The following OTUD7B variants were observed in gnomAD, a reference collection of about 807,000 sequenced individuals.
OTUD7B encodes OTU domain-containing protein 7B.
A neutral mutation model predicts 82.2 loss-of-function variants in OTUD7B; 34 were observed. The observed-to-expected ratio is 0.41, with a 90% CI of 0.31 to 0.55. OTUD7B has a LOEUF of 0.55. Ranked by LOEUF, OTUD7B falls within the 20% of genes least tolerant of loss-of-function variation. The pLI is 0.20. For missense variants in OTUD7B, 944 were observed against 1,062.1 expected, an observed-to-expected ratio of 0.89 and a Z score of 1.55; for synonymous variants, 398 against 402.7, an observed-to-expected ratio of 0.99 and a Z score of 0.14.
Position 149,944,760 on chromosome 1 carries a change from G to A in OTUD7B, c.1629C>T (p.Ser543=), listed in dbSNP as rs782437350. Residue 543 remains serine (S), a synonymous_variant, in exon 12 of 12, where the codon AGC becomes AGT. Coordinates refer to ENST00000581312, the MANE Select transcript of OTUD7B (RefSeq NM_020205.4). ...TCTTCTTCTCCAGTGTCTCAGTGCC[G>A]CTGCTTCCTCCCAACCCTGTCCCCA... ...GGVGTGLGGS[S]GTETLEKKKK... is the part of the protein sequence containing the mutation. 30 of 1,613,648 alleles carry A rather than the reference G, an allele frequency of 1.9e-5. No individual in the cohort carries two copies. The highest frequency in any genetic ancestry group is 4.4e-5 in the South Asian group (4 of 91,056).
At chr1:150,020,789 A>G in the OTUD7B span, among the ~76,000 whole-genome samples, 1 of 152,216 alleles carries the variant, frequency 6.6e-6, no homozygotes, top group Non-Finnish European at 1.5e-5. Flanking sequence ...CTGAAAGCCA[A>G]ATAGGCCCCT....
intron 7 of OTUD7B, among the ~76,000 whole-genome samples, chr1:149,956,093 T>G (rs1355458408): frequency 2.6e-5 from 4 of 152,198 alleles, no homozygotes; most frequent in East Asian, 3.8e-4. Flanking sequence ...GTTAGCTGGT[T>G]ATTTTGCTCG....
At chr1:150,031,952 C>T in the OTUD7B span, among the ~76,000 whole-genome samples, 1 of 152,178 alleles carries the variant, frequency 6.6e-6, no homozygotes, top group Non-Finnish European at 1.5e-5. Context: ...TATAAACACA[C>T]ATACTTTAAA....
intron 1 of OTUD7B, among the ~76,000 whole-genome samples, chr1:149,982,639 G>C (rs1553779979): frequency 2.0e-5 from 3 of 151,756 alleles, no homozygotes; most frequent in African/African-American, 7.3e-5. Flanking sequence ...ATCTTCCTGA[G>C]CAATTTCAGT....
At chr1:150,028,600 A>G in the OTUD7B span, among the ~76,000 whole-genome samples, 2 of 152,150 alleles carry the variant, frequency 1.3e-5, no homozygotes, top group Non-Finnish European at 2.9e-5. Context: ...ATAAGTCTCC[A>G]TTCTCCCTGT....
chr1:150,014,058 A>G (rs12143805), upstream of OTUD7B, among the ~76,000 whole-genome samples: 1,207 of 87,512 alleles, frequency 0.014, 30 homozygotes, highest in African/African-American at 0.043. Context: ...GTGTATATAT[A>G]TGTGTGTGTG....
At chr1:150,013,947 TACAC>T (rs1219362552), upstream of OTUD7B, among the ~76,000 whole-genome samples, 1,263 of 103,544 alleles carry the variant, frequency 0.012, 20 homozygotes, top group African/African-American at 0.015. Flanking sequence ...AATATATATA[TACAC>T]ACACACACAC....
chr1:149,965,809 T>C lies in OTUD7B; in HGVS notation c.572A>G (p.Asp191Gly). ...GGCTGCATGCAGGAGGCAGTTCCCA[T>C]CTCCAGTAGTTGCCAAAGGAAGCAG... is the stretch of plus-strand genomic sequence containing the variant. The part of the protein sequence containing the change: ...QRLLPLATTG[D>G]GNCLLHAASL... The change falls in exon 5 of 12, where the codon GAT (aspartate) becomes GGT (glycine). Residue 191 changes from aspartate (D) to glycine (G), a missense_variant. Asp to Gly is a moderately conservative substitution (Grantham distance 94, BLOSUM62 -1). Transcript: ENST00000581312. 1 of 1,613,934 alleles carries C rather than the reference T, an allele frequency of 6.2e-7. No homozygotes were observed. Among genetic ancestry groups the C allele is most frequent in the Non-Finnish European group, 8.5e-7 (1 of 1,179,868 alleles).
the OTUD7B span, among the ~76,000 whole-genome samples, chr1:150,064,136 A>C: frequency 1.1e-4 from 16 of 152,244 alleles, no homozygotes; most frequent in African/African-American, 2.9e-4. Context: ...GATTTCTAAT[A>C]ATCGAAGCTG....
At chr1:149,982,175 T>TAAATATA in intron 1 of OTUD7B, among the ~76,000 whole-genome samples, 1 of 144,452 alleles carries the variant, frequency 6.9e-6, no homozygotes, top group African/African-American at 2.8e-5. Context: ...TAAATAAATA[T>TAAATATA]AAAAAATAAA....
the OTUD7B span, among the ~76,000 whole-genome samples, chr1:150,056,575 A>G: frequency 6.6e-6 from 1 of 152,166 alleles, no homozygotes; most frequent in South Asian, 2.1e-4. Flanking sequence ...CAAATGAGGA[A>G]ACTGTGACAC....
rs1407497389 is a variant in OTUD7B, at chr1:149,939,812, C to T, written c.*4045G>A. ...GGCATGATTGCGGGTGCCTGTAATCCCAGCCACCTGGGAGGCTGAGACAGG... is the reference window on the plus strand; with the variant it reads ...GGCATGATTGCGGGTGCCTGTAATCTCAGCCACCTGGGAGGCTGAGACAGG... On this transcript the variant is annotated 3_prime_UTR_variant, in exon 12 of 12. Transcript: ENST00000581312. The T allele has an allele frequency of 6.6e-6, 1 of 152,012 alleles. No individual in the cohort carries two copies. The highest frequency in any genetic ancestry group is 1.5e-5 in the Non-Finnish European group (1 of 68,024). The allele number at this position is 152,012 out of a possible 1,614,324, so 9.4% of individuals were successfully genotyped here. A position where few individuals can be genotyped will look rare whatever the true frequency, so the allele number is the denominator to read the frequency against.
chr1:149,949,644 TCTC>T lies in OTUD7B; in HGVS notation c.1105_1107del (p.Glu369del). On this transcript the variant is annotated inframe_deletion, in exon 9 of 12. Coordinates refer to ENST00000581312, the MANE Select transcript of OTUD7B (RefSeq NM_020205.4). ...CATTCAGCACCTTGTTCCTTGGTAT[TCTC>T]CTTCTGCTCCATGGACACGAGTGCA... 6.2e-7 allele frequency: 1 copy of T among 1,614,006 alleles called. No homozygotes were observed. Among genetic ancestry groups the T allele is most frequent in the Non-Finnish European group, 8.5e-7 (1 of 1,179,914 alleles).
At chr1:150,042,741 G>C in the OTUD7B span, among the ~76,000 whole-genome samples, 1 of 152,022 alleles carries the variant, frequency 6.6e-6, no homozygotes, top group African/African-American at 2.4e-5. Context: ...AAGGAATTTA[G>C]AGATCTTTCC....
At chr1:150,015,797 G>A in the OTUD7B span, among the ~76,000 whole-genome samples, 1 of 152,098 alleles carries the variant, frequency 6.6e-6, no homozygotes, top group Non-Finnish European at 1.5e-5. Flanking sequence ...GGGGCTGAGT[G>A]GGAGGAACAC....
chr1:150,005,525 T>C (rs1652602244), intron 1 of OTUD7B, among the ~76,000 whole-genome samples: 1 of 150,582 alleles, frequency 6.6e-6, no homozygotes, highest in African/African-American at 2.5e-5. Flanking sequence ...GTGACATCAG[T>C]TTGGTAATGA....
the OTUD7B span, among the ~76,000 whole-genome samples, chr1:150,022,077 A>G: frequency 6.6e-6 from 1 of 152,128 alleles, no homozygotes; most frequent in Admixed American, 6.6e-5. Flanking sequence ...CTAGTTCCAC[A>G]GTCTTTAGCT....
chr1:149,954,674 T>G (rs1648525592), intron 7 of OTUD7B, among the ~76,000 whole-genome samples: 1 of 152,150 alleles, frequency 6.6e-6, no homozygotes, highest in Non-Finnish European at 1.5e-5. Context: ...ATCCATCTGG[T>G]CTTGGACTTT....
chr1:149,977,676 G>A (rs1650421254), intron 1 of OTUD7B, 100 bp from the exon 2 acceptor site: 1 of 561,880 alleles, frequency 1.8e-6, no homozygotes, highest in South Asian at 2.4e-5. Context: ...AACTATCCTA[G>A]CTCATTCATT....
Sources: allele counts gnomAD v4.1 joint callset (sites outside exome capture counted in the v4.1 genomes callset), GRCh38; gene constraint gnomAD v4.1.1; transcripts MANE v1.5; gene names NCBI Gene and HGNC (gene_info 2026-07-23, HGNC 2026-07-21).